The following PABPC4L variants were observed in gnomAD, a reference collection of about 807,000 sequenced individuals.
The protein encoded by PABPC4L is polyadenylate-binding protein 4-like.
For synonymous variants in PABPC4L, 169 were observed against 164.1 expected (o/e 1.03, Z -0.23); for missense variants, 452 against 451.4 (o/e 1.00, Z -0.01).
At chr4:134,052,307 AT>A in the PABPC4L span, among the ~76,000 whole-genome samples, 4 of 152,174 alleles carry the variant, frequency 2.6e-5, no homozygotes, top group Non-Finnish European at 5.9e-5. Flanking sequence ...AAACCATTTA[AT>A]TTTTTTAGCC....
chr4:134,100,380 T>A, the PABPC4L span, among the ~76,000 whole-genome samples: 1 of 151,590 alleles, frequency 6.6e-6, no homozygotes, highest in East Asian at 1.9e-4. Flanking sequence ...AAACAACACA[T>A]TACTTGCTTT....
rs1414818516 is a variant in PABPC4L, at chr4:134,197,658, TTATAAG to T, written c.*2243_*2248del. On this transcript the variant is annotated 3_prime_UTR_variant, in exon 2 of 2. Coordinates refer to ENST00000421491, the MANE Select transcript of PABPC4L (RefSeq NM_001114734.2). ...TAAATTATGATCATGAGACATTAAC[TTATAAG>T]TATGAAAATACAAATGGTCAGTGAG... 1 of 151,788 alleles carries T rather than the reference TTATAAG, an allele frequency of 6.6e-6. No homozygotes were observed. Among genetic ancestry groups the T allele is most frequent in the Non-Finnish European group, 1.5e-5 (1 of 67,710 alleles). 9.4% of individuals were successfully genotyped at this position (151,788 alleles called of 1,614,324 possible). A position where few individuals can be genotyped will look rare whatever the true frequency, so the allele number is the denominator to read the frequency against.
In PABPC4L at chr4:134,200,849, G is replaced by T; in HGVS notation, c.171C>A (p.Asn57Lys). ...TRRSLGYAYV[N>K]FLQLADAQKA... The stretch of plus-strand genomic sequence containing the variant: ...TCTGGGCATCAGCCAGCTGCAAGAA[G>T]TTCACGTAGGCATAGCCCAGAGAGC... The change falls in exon 2 of 2, where the codon AAC (asparagine) becomes AAA (lysine). Residue 57 changes from asparagine to lysine, a missense_variant. Asn to Lys is a moderately conservative substitution (Grantham distance 94). Transcript: ENST00000421491. 6.4e-7 allele frequency: 1 copy of T among 1,566,574 alleles called. No individual in the cohort carries two copies. Among genetic ancestry groups the T allele is most frequent in the East Asian group, 2.4e-5 (1 of 42,406 alleles).
the PABPC4L span, among the ~76,000 whole-genome samples, chr4:134,046,037 C>A: frequency 6.6e-6 from 1 of 151,986 alleles, no homozygotes; most frequent in Non-Finnish European, 1.5e-5. Flanking sequence ...TCAGGTGGGA[C>A]AAGAGACTGA....
chr4:133,952,315 T>C, the PABPC4L span, among the ~76,000 whole-genome samples: 5 of 152,170 alleles, frequency 3.3e-5, no homozygotes, highest in African/African-American at 7.2e-5. Context: ...TCTTAGAGTC[T>C]AGGGGACGCC....
rs2125707968 is a variant in PABPC4L, at chr4:134,197,732, T to A, written c.*2175A>T. 6.6e-6 allele frequency: 1 copy of A among 151,714 alleles called. No individual in the cohort carries two copies. The highest frequency in any genetic ancestry group is 1.5e-5 in the Non-Finnish European group (1 of 67,634). The allele number at this position is 151,714 out of a possible 1,614,324, so 9.4% of individuals were successfully genotyped here. Reference sequence around the variant, plus strand: ...ACTTTTGTAATTTACAAAAGTGAAATAAAGCAATGATGAAATGGTTTGTTT... The same window carrying A: ...ACTTTTGTAATTTACAAAAGTGAAAAAAAGCAATGATGAAATGGTTTGTTT... On this transcript the variant is annotated 3_prime_UTR_variant, in exon 2 of 2. Transcript: ENST00000421491.
At chr4:134,176,207 ATTT>A in the PABPC4L span, among the ~76,000 whole-genome samples, 1 of 152,112 alleles carries the variant, frequency 6.6e-6, no homozygotes, top group African/African-American at 2.4e-5. Flanking sequence ...AAGGTATTAA[ATTT>A]TTATTCATGA....
At chr4:133,979,306 A>C in the PABPC4L span, among the ~76,000 whole-genome samples, 1 of 152,174 alleles carries the variant, frequency 6.6e-6, no homozygotes, top group African/African-American at 2.4e-5. Flanking sequence ...TTTCTGAAAA[A>C]TTTTGTAAGC....
chr4:134,155,999 T>C, the PABPC4L span, among the ~76,000 whole-genome samples: 1 of 151,968 alleles, frequency 6.6e-6, no homozygotes, highest in African/African-American at 2.4e-5. Context: ...CGTTTGCATA[T>C]TTAGATTAAT....
At chr4:134,158,331 C>T in the PABPC4L span, among the ~76,000 whole-genome samples, 3 of 151,964 alleles carry the variant, frequency 2.0e-5, no homozygotes, top group Admixed American at 2.0e-4. Context: ...AGTCATTTCT[C>T]TATAGATAAA....
chr4:134,000,827 C>A, the PABPC4L span, among the ~76,000 whole-genome samples: 1 of 152,066 alleles, frequency 6.6e-6, no homozygotes, highest in Admixed American at 6.6e-5. Flanking sequence ...CTCAGGCCAT[C>A]AGATCTGGAC....
the PABPC4L span, among the ~76,000 whole-genome samples, chr4:133,980,308 A>AT: frequency 6.6e-6 from 1 of 152,124 alleles, no homozygotes; most frequent in Non-Finnish European, 1.5e-5. Context: ...TATTTCTCTT[A>AT]TTTTTTAACA....
At chr4:134,006,965 C>T in the PABPC4L span, among the ~76,000 whole-genome samples, 1 of 151,638 alleles carries the variant, frequency 6.6e-6, no homozygotes, top group South Asian at 2.1e-4. Context: ...ATGTAATTAA[C>T]AGTAACTATT....
chr4:133,998,798 T>C, the PABPC4L span, among the ~76,000 whole-genome samples: 1 of 151,982 alleles, frequency 6.6e-6, no homozygotes, highest in Non-Finnish European at 1.5e-5. Context: ...ATTATTTCCA[T>C]AAGTAGGATC....
At chr4:133,961,052 C>T in the PABPC4L span, among the ~76,000 whole-genome samples, 1 of 152,264 alleles carries the variant, frequency 6.6e-6, no homozygotes, top group South Asian at 2.1e-4. Context: ...GCTCTCCTTA[C>T]TACCACAGCT....
the PABPC4L span, among the ~76,000 whole-genome samples, chr4:134,083,618 T>C: frequency 6.6e-6 from 1 of 152,156 alleles, no homozygotes; most frequent in Admixed American, 6.6e-5. Context: ...GTGAAAGCTA[T>C]GGAAGATTAA....
At chr4:134,176,158 C>G in the PABPC4L span, among the ~76,000 whole-genome samples, 9 of 152,034 alleles carry the variant, frequency 5.9e-5, no homozygotes, top group South Asian at 1.9e-3. Flanking sequence ...TAATTATTCT[C>G]TTAAATACAT....
At chr4:134,018,966 G>A in the PABPC4L span, among the ~76,000 whole-genome samples, 1 of 151,848 alleles carries the variant, frequency 6.6e-6, no homozygotes, top group Non-Finnish European at 1.5e-5. Context: ...GACATTTTTT[G>A]TGTTATTTCC....
the PABPC4L span, among the ~76,000 whole-genome samples, chr4:134,035,928 G>T: frequency 6.6e-6 from 1 of 151,486 alleles, no homozygotes; most frequent in African/African-American, 2.4e-5. Flanking sequence ...GCCTTATAAA[G>T]AGTCCCTTAT....
Sources: allele counts gnomAD v4.1 joint callset (sites outside exome capture counted in the v4.1 genomes callset), GRCh38; gene constraint gnomAD v4.1.1; transcripts MANE v1.5; gene names NCBI Gene and HGNC (gene_info 2026-07-23, HGNC 2026-07-21).